The following LUC7L3 variants were observed in gnomAD, a reference collection of about 807,000 sequenced individuals.
LUC7L3 encodes LUC7 like 3 pre-mRNA splicing factor.
In LUC7L3, 6 loss-of-function variants were observed where a neutral mutation model predicts 66.8. That is an observed-to-expected ratio of 0.09 (90% confidence interval 0.05 to 0.18). The LOEUF (loss-of-function observed/expected upper bound fraction) is 0.18, where lower values mean the gene tolerates loss of function less well. Among genes scored for constraint, LUC7L3 ranks in the 10% least tolerant of loss-of-function variants. The pLI is 1.00. For missense variants in LUC7L3, 341 were observed against 531.1 expected (o/e 0.64, Z 3.52); for synonymous variants, 160 against 174.7 (o/e 0.92, Z 0.66).
intron 8 of LUC7L3, among the ~76,000 whole-genome samples, chr17:50,746,248 C>T (rs766725924): frequency 2.6e-5 from 4 of 152,136 alleles, no homozygotes; most frequent in African/African-American, 2.4e-5. Flanking sequence ...ACCTGATGGT[C>T]TCTTAAGTGC....
At chr17:50,724,756 CTTTTTTTT>C (rs58826303) in intron 1 of LUC7L3, among the ~76,000 whole-genome samples, 1 of 128,472 alleles carries the variant, frequency 7.8e-6, no homozygotes, top group Admixed American at 8.3e-5. Flanking sequence ...AATATTTTCT[CTTTTTTTT>C]TTTTTTTTTA....
intron 1 of LUC7L3, among the ~76,000 whole-genome samples, chr17:50,728,125 A>G (rs997599331): frequency 2.0e-5 from 3 of 152,116 alleles, no homozygotes; most frequent in Admixed American, 6.5e-5. Flanking sequence ...TCAAAAAAAA[A>G]AAAAAAAAAG....
Position 50,751,023 on chromosome 17 carries a change from GT to G in LUC7L3, c.*373del, listed in dbSNP as rs11385262. ...TTTTTTTTAATAAAAAGGTTGAACT[GT>G]TTTTTTTTTTCTTTTTGGTATTAAG... On this transcript the variant is annotated 3_prime_UTR_variant, in exon 10 of 10. Coordinates refer to ENST00000505658, the MANE Select transcript of LUC7L3 (RefSeq NM_016424.5). 8,313 of 1,171,240 alleles carry G rather than the reference GT, an allele frequency of 7.1e-3. 187 individuals carry two copies. The African/African-American group carries it at 0.088, about 12-fold the overall frequency. The allele number at this position is 1,171,240 out of a possible 1,614,324, so 72.6% of individuals were successfully genotyped here.
intron 2 of LUC7L3, among the ~76,000 whole-genome samples, chr17:50,737,840 T>C (rs1394503736): frequency 6.6e-6 from 1 of 152,188 alleles, no homozygotes; most frequent in Admixed American, 6.5e-5. Context: ...CTAGTTTATC[T>C]GAACCACAAA....
At chr17:50,727,623 C>CT (rs1479091831) in intron 1 of LUC7L3, among the ~76,000 whole-genome samples, 2 of 152,074 alleles carry the variant, frequency 1.3e-5, no homozygotes, top group Non-Finnish European at 2.9e-5. Flanking sequence ...ACAAAGTGGT[C>CT]TTTAAATACA....
At chr17:50,743,291 T>C (rs1970466659) in intron 5 of LUC7L3, among the ~76,000 whole-genome samples, 2 of 151,860 alleles carry the variant, frequency 1.3e-5, no homozygotes, top group South Asian at 4.1e-4. Flanking sequence ...CTCCTCCTCC[T>C]GGGTTCAAGC....
intron 2 of LUC7L3, among the ~76,000 whole-genome samples, chr17:50,739,328 C>T (rs1227015502): frequency 6.6e-6 from 1 of 152,094 alleles, no homozygotes; most frequent in Non-Finnish European, 1.5e-5. Flanking sequence ...GAGATAGTTT[C>T]TATAGCTGAG....
Position 50,750,921 on chromosome 17 carries a change from A to G in LUC7L3, c.*260A>G. On this transcript the variant is annotated 3_prime_UTR_variant, in exon 10 of 10. Transcript: ENST00000505658. ...CCATTAGTGTGCCTCTTTGGAAATT[A>G]TCGCCCACATTTGTAATATAGTCGC... The G allele has an allele frequency of 3.9e-6, 6 of 1,534,476 alleles. No homozygotes were observed. The highest frequency in any genetic ancestry group is 5.2e-6 in the Non-Finnish European group (6 of 1,146,444).
chr17:50,745,601 AT>A, intron 7 of LUC7L3, 118 bp from the exon 8 acceptor site: 1 of 696,680 alleles, frequency 1.4e-6, no homozygotes, highest in South Asian at 2.0e-5. Flanking sequence ...GAATGTCTAC[AT>A]TTCCCTTAAG....
chr17:50,726,847 T>C (rs1969222834), intron 1 of LUC7L3, among the ~76,000 whole-genome samples: 1 of 152,064 alleles, frequency 6.6e-6, no homozygotes, highest in Non-Finnish European at 1.5e-5. Context: ...CCCAGCACTT[T>C]GGGAGGCCGA....
intron 5 of LUC7L3, 136 bp from the exon 6 acceptor site, chr17:50,743,570 A>G (rs1276050829): frequency 3.3e-6 from 2 of 612,646 alleles, no homozygotes; most frequent in Non-Finnish European, 5.8e-6. Context: ...TCCAGGATAA[A>G]TTAAACCCAA....
intron 5 of LUC7L3, among the ~76,000 whole-genome samples, chr17:50,742,614 T>C (rs7225688): frequency 0.49 from 73,948 of 151,976 alleles, 18,238 homozygotes; most frequent in Middle Eastern, 0.59. Context: ...CCACCTTGGC[T>C]TCCCAAAGTG....
chr17:50,740,578 T>A (rs8071712), intron 3 of LUC7L3, among the ~76,000 whole-genome samples: 1 of 152,034 alleles, frequency 6.6e-6, no homozygotes, highest in African/African-American at 2.4e-5. Context: ...CTGTTTTTTT[T>A]AAATGAGCCT....
chr17:50,734,019 T>C (rs774663060), intron 1 of LUC7L3, among the ~76,000 whole-genome samples: 7 of 152,228 alleles, frequency 4.6e-5, no homozygotes, highest in Non-Finnish European at 8.8e-5. Flanking sequence ...AAATGGATGT[T>C]TTAAGAATTA....
chr17:50,726,618 A>G (rs1320717918), intron 1 of LUC7L3, among the ~76,000 whole-genome samples: 3 of 152,210 alleles, frequency 2.0e-5, no homozygotes, highest in Non-Finnish European at 4.4e-5. Context: ...TGAGATCTGC[A>G]CCTGGGGTTG....
chr17:50,749,404 A>C (rs1970868072), intron 9 of LUC7L3: 2 of 1,230,064 alleles, frequency 1.6e-6, no homozygotes, highest in Admixed American at 2.8e-5. Context: ...GACATGAAGC[A>C]AGTCTTGCGC....
intron 7 of LUC7L3, 78 bp downstream of exon 7, chr17:50,744,891 C>T: frequency 8.7e-7 from 1 of 1,146,148 alleles, no homozygotes; most frequent in Admixed American, 2.4e-5. Context: ...AGCTCACTGC[C>T]ACCTCCACCT....
chr17:50,745,550 A>T (rs894238581), intron 7 of LUC7L3, among the ~76,000 whole-genome samples, 170 bp from the exon 8 acceptor site: 2 of 152,196 alleles, frequency 1.3e-5, no homozygotes, highest in African/African-American at 4.8e-5. Flanking sequence ...ATTCCTGAGG[A>T]TTAGACAAAT....
Position 50,751,651 on chromosome 17 carries a change from C to T in LUC7L3, c.*990C>T. On this transcript the variant is annotated 3_prime_UTR_variant, in exon 10 of 10. Coordinates refer to ENST00000505658, the MANE Select transcript of LUC7L3 (RefSeq NM_016424.5). ...GTTACACTCAATGCAATTCTCAAGT[C>T]TATAAGAGGTATGTGCTTAATATTT... is the stretch of plus-strand genomic sequence containing the variant. 1 of 1,106,612 alleles carries T rather than the reference C, an allele frequency of 9.0e-7. No individual in the cohort carries two copies. Among genetic ancestry groups the T allele is most frequent in the Non-Finnish European group, 1.1e-6 (1 of 898,812 alleles). 68.5% of individuals were successfully genotyped at this position (1,106,612 alleles called of 1,614,324 possible). A position where few individuals can be genotyped will look rare whatever the true frequency, so the allele number is the denominator to read the frequency against.
Sources: gnomAD v4.1 joint callset for allele counts (sites outside exome capture counted in the v4.1 genomes callset) on GRCh38, gnomAD v4.1.1 for gene constraint, MANE v1.5 for transcripts, NCBI Gene and HGNC (gene_info 2026-07-23, HGNC 2026-07-21) for gene names.